CUZD1: variants seen among roughly 807,000 people sequenced by gnomAD.
CUZD1 encodes the protein CUB and zona pellucida like domains 1, also known as CUB and zona pellucida-like domain-containing protein 1.
In CUZD1, 42 loss-of-function variants were observed where a neutral mutation model predicts 53.1. That is an observed-to-expected ratio of 0.79 (90% CI 0.62 to 1.02). The LOEUF (loss-of-function observed/expected upper bound fraction) is 1.02. CUZD1 is among the 50% of genes least tolerant of loss of function. The pLI is 0.00. For missense variants in CUZD1, 670 were observed against 715.7 expected (o/e 0.94, Z 0.73); for synonymous variants, 238 against 257.2 (o/e 0.93, Z 0.71).
chr10:122,832,198 T>G lies in CUZD1; in HGVS notation c.*80A>C. ...CACTTTCAGGCCCTTCCTCATTTAT[T>G]CATAATATGTGTAGCCACGAGGTAG... On this transcript the variant is annotated 3_prime_UTR_variant, in exon 9 of 9. Transcript: ENST00000392790. 7.0e-7 allele frequency: 1 copy of G among 1,428,012 alleles called. No individual in the cohort carries two copies. Among genetic ancestry groups the G allele is most frequent in the African/African-American group, 1.4e-5 (1 of 71,210 alleles). The allele number at this position is 1,428,012 out of a possible 1,614,324, so 88.5% of individuals were successfully genotyped here. A position where few individuals can be genotyped will look rare whatever the true frequency, so the allele number is the denominator to read the frequency against.
chr10:122,839,633 T>C (rs889779932), intron 2 of CUZD1, among the ~76,000 whole-genome samples: 1 of 152,208 alleles, frequency 6.6e-6, no homozygotes, highest in Non-Finnish European at 1.5e-5. Flanking sequence ...TCTTCTTCCA[T>C]AGCCACCTTT....
In CUZD1 at chr10:122,834,848, A is replaced by G; in HGVS notation, c.1240T>C (p.Tyr414His). The change falls in exon 7 of 9, where the codon TAT becomes CAT. Residue 414 changes from tyrosine to histidine, a missense_variant. Tyr to His is a moderately conservative substitution (Grantham distance 83). Coordinates refer to ENST00000392790, the MANE Select transcript of CUZD1 (RefSeq NM_022034.6). ...AGAGTTTGGTTCAAATCCACATAAT[A>G]TGGTGATTCAAGTATAGTCTTTTCA... ...SFEKTILESPYYVDLNQTLFV... is the reference protein window; with the variant it reads ...SFEKTILESPHYVDLNQTLFV... 6.2e-7 allele frequency: 1 copy of G among 1,613,834 alleles called. No individual in the cohort carries two copies. The highest frequency in any genetic ancestry group is 8.5e-7 in the Non-Finnish European group (1 of 1,179,828).
At chr10:122,844,885 T>C (rs1262868830) in intron 1 of CUZD1, among the ~76,000 whole-genome samples, 1 of 152,096 alleles carries the variant, frequency 6.6e-6, no homozygotes, top group African/African-American at 2.4e-5. Flanking sequence ...CATAACCCCA[T>C]CCATCCAGAA....
chr10:122,832,370 C>T lies in CUZD1; in HGVS notation c.1732G>A (p.Ala578Thr), dbSNP rs1847174926. 1 of 1,614,134 alleles carries T rather than the reference C, an allele frequency of 6.2e-7. No homozygotes were observed. Among genetic ancestry groups the T allele is most frequent in the Non-Finnish European group, 8.5e-7 (1 of 1,179,990 alleles). Residue 578 changes from alanine (A) to threonine (T), a missense_variant, in exon 9 of 9, where the codon GCT (alanine) becomes ACT (threonine). Transcript: ENST00000392790. ...GTCGCTACAGTCACCACATTCAGAG[C>T]TAGAACCATGAAGGAAAACAGATGC... Reference protein sequence around the residue: ...SVHLFSFMVLALNVVTVATIT... With the variant: ...SVHLFSFMVLTLNVVTVATIT...
chr10:122,844,423 A>G (rs1847400364), intron 1 of CUZD1, among the ~76,000 whole-genome samples: 1 of 152,192 alleles, frequency 6.6e-6, no homozygotes, highest in Admixed American at 6.5e-5. Flanking sequence ...ACTAAAAAAC[A>G]CTAAATTGTA....
At chr10:122,843,868 A>G (rs1333808074) in intron 1 of CUZD1, among the ~76,000 whole-genome samples, 1 of 147,210 alleles carries the variant, frequency 6.8e-6, no homozygotes, top group Non-Finnish European at 1.5e-5. Flanking sequence ...TATTCATCAC[A>G]TTAGTCTATA....
At chr10:122,844,558 C>T (rs1272830988) in intron 1 of CUZD1, among the ~76,000 whole-genome samples, 2 of 152,002 alleles carry the variant, frequency 1.3e-5, no homozygotes, top group East Asian at 1.9e-4. Flanking sequence ...TAAAGATAAG[C>T]TGTTAGCAGT....
At position 122,836,827 on chromosome 10, in the gene CUZD1, T is replaced by G; in HGVS notation, c.817+4A>C. On this transcript the variant is annotated splice_donor_region_variant and intron_variant, in intron 5 of 8. Transcript: ENST00000392790. Reference sequence around the variant, plus strand: ...AATAGCTAAGAATATAAAACATGACTTACTAGTGTTGATGTTTTCTGCATA... The same window carrying G: ...AATAGCTAAGAATATAAAACATGACGTACTAGTGTTGATGTTTTCTGCATA... 1 of 1,600,760 alleles carries G rather than the reference T, an allele frequency of 6.2e-7. No homozygotes were observed. The highest frequency in any genetic ancestry group is 8.6e-7 in the Non-Finnish European group (1 of 1,168,144).
intron 2 of CUZD1, 146 bp downstream of exon 2, chr10:122,841,032 C>T: frequency 1.3e-6 from 1 of 759,612 alleles, no homozygotes; most frequent in Non-Finnish European, 2.1e-6. Context: ...CAGCCATCAT[C>T]CTCATCACCA....
chr10:122,841,505 TGAG>T (rs1292481755), intron 1 of CUZD1, among the ~76,000 whole-genome samples, 177 bp from the exon 2 acceptor site: 2 of 152,242 alleles, frequency 1.3e-5, no homozygotes, highest in South Asian at 2.1e-4. Context: ...TTGAACCCTT[TGAG>T]GAGAAGTATT....
chr10:122,844,586 G>T (rs1422020904), intron 1 of CUZD1, among the ~76,000 whole-genome samples: 1 of 152,112 alleles, frequency 6.6e-6, no homozygotes, highest in East Asian at 1.9e-4. Flanking sequence ...CCCGGTAAGG[G>T]GCTGGGCGTG....
chr10:122,834,775 AACACC>A lies in CUZD1; in HGVS notation c.1308_1312del (p.Val437SerfsTer2). On this transcript the variant is annotated frameshift_variant, in exon 7 of 9. Transcript: ENST00000392790. LOFTEE classifies it high-confidence loss of function. ...GGGAGAGGCTCTACAGGTATCAAGA[AACACC>A]ACCAAATTTGGATCTGAGGTGTGCA... 1 of 1,613,804 alleles carries A rather than the reference AACACC, an allele frequency of 6.2e-7. No homozygotes were observed. The highest frequency in any genetic ancestry group is 8.5e-7 in the Non-Finnish European group (1 of 1,179,780).
chr10:122,832,160 C>G lies in CUZD1; in HGVS notation c.*118G>C. Reference sequence around the variant, plus strand: ...TGAAACACACCGACACAGTGACATGCAGGCCTGTGTGTCACTTTCAGGCCC... The same window carrying G: ...TGAAACACACCGACACAGTGACATGGAGGCCTGTGTGTCACTTTCAGGCCC... On this transcript the variant is annotated 3_prime_UTR_variant, in exon 9 of 9. Coordinates refer to ENST00000392790, the MANE Select transcript of CUZD1 (RefSeq NM_022034.6). 1.1e-6 allele frequency: 1 copy of G among 916,290 alleles called. No homozygotes were observed. The highest frequency in any genetic ancestry group is 1.7e-6 in the Non-Finnish European group (1 of 581,326). The allele number at this position is 916,290 out of a possible 1,614,324, so 56.8% of individuals were successfully genotyped here. A position where few individuals can be genotyped will look rare whatever the true frequency, so the allele number is the denominator to read the frequency against.
rs551694651 is a variant in CUZD1 at position 122,844,992 on chromosome 10, A to G, written c.82+770T>C. On this transcript the variant is annotated intron_variant, in intron 1 of 8. Transcript: ENST00000392790. ...AAAATGCTTGAATGTATATATTTCA[A>G]ACATAAGAACCATCATATTGTACAC... Among the ~76,000 whole-genome samples, 75 of 152,224 alleles carry G rather than the reference A, an allele frequency of 4.9e-4. 1 individual carries two copies. In the South Asian group the frequency reaches 0.015, roughly 30 times the overall value.
At chr10:122,837,628 G>C in intron 3 of CUZD1, 74 bp from the exon 4 acceptor site, 1 of 1,353,178 alleles carries the variant, frequency 7.4e-7, no homozygotes, top group Non-Finnish European at 1.0e-6. Flanking sequence ...GTTGTGCATT[G>C]AGCTTAACAC....
chr10:122,845,076 CTTTT>C (rs34468840), intron 1 of CUZD1, among the ~76,000 whole-genome samples: 4 of 141,970 alleles, frequency 2.8e-5, no homozygotes, highest in Non-Finnish European at 4.6e-5. Context: ...AGATCAGAGT[CTTTT>C]TTTTTTTTTT....
At chr10:122,844,548 T>C (rs1847403223) in intron 1 of CUZD1, among the ~76,000 whole-genome samples, 1 of 152,072 alleles carries the variant, frequency 6.6e-6, no homozygotes, top group Non-Finnish European at 1.5e-5. Flanking sequence ...AACTGGATCC[T>C]AAAGATAAGC....
Position 122,835,095 on chromosome 10 carries a change from T to TAATTG in CUZD1, c.992_993insCAATT (p.Glu332AsnfsTer2). ...TGGTGTAAGTAATTGACTGATCTTC[T>TAATTG]ACCTGCAGAACGAGATAGAATTCAA... On this transcript the variant is annotated frameshift_variant and splice_region_variant, in exon 7 of 9. Coordinates refer to ENST00000392790, the MANE Select transcript of CUZD1 (RefSeq NM_022034.6). LOFTEE classifies it high-confidence loss of function. The TAATTG allele has an allele frequency of 6.4e-7, 1 of 1,556,256 alleles. No individual in the cohort carries two copies. Among genetic ancestry groups the TAATTG allele is most frequent in the Non-Finnish European group, 8.7e-7 (1 of 1,151,402 alleles).
intron 1 of CUZD1, among the ~76,000 whole-genome samples, chr10:122,842,588 C>T (rs2133818155): frequency 6.6e-6 from 1 of 152,238 alleles, no homozygotes; most frequent in South Asian, 2.1e-4. Context: ...TTTGGCTATT[C>T]CAGTTCCTTT....
Sources: allele counts gnomAD v4.1 joint callset (sites outside exome capture counted in the v4.1 genomes callset), GRCh38; gene constraint gnomAD v4.1.1; transcripts MANE v1.5; gene names NCBI Gene and HGNC (gene_info 2026-07-23, HGNC 2026-07-21).